MCPH1: variants seen among roughly 807,000 people sequenced by gnomAD.
The protein encoded by MCPH1 is microcephalin.
In MCPH1, 104 loss-of-function variants were observed where a neutral mutation model predicts 84.5. That is an observed-to-expected ratio of 1.23 (90% CI 1.05 to 1.45). The LOEUF (loss-of-function observed/expected upper bound fraction) is 1.45. Among genes scored for constraint, MCPH1 ranks in the 40% most tolerant of loss-of-function variants. MCPH1 has a pLI of 0.00. For missense variants in MCPH1, 1,498 were observed against 1,005.7 expected (o/e 1.49, Z -6.62); for synonymous variants, 514 against 366.8 (o/e 1.40, Z -4.58).
At chr8:6,642,028 AT>A (rs934897570) in intron 13 of MCPH1, among the ~76,000 whole-genome samples, 2 of 152,040 alleles carry the variant, frequency 1.3e-5, no homozygotes, top group African/African-American at 4.8e-5. Context: ...AAGATAAGTC[AT>A]TTTTTTCTTC....
chr8:6,429,501 C>G (rs1053869631), intron 3 of MCPH1, among the ~76,000 whole-genome samples: 2 of 152,110 alleles, frequency 1.3e-5, no homozygotes, highest in African/African-American at 2.4e-5. Flanking sequence ...ACTCCTCCCC[C>G]GCCCCAGCTG....
At chr8:6,616,935 C>G (rs1314615707) in intron 12 of MCPH1, 4 of 152,164 alleles carry the variant, frequency 2.6e-5, no homozygotes, top group African/African-American at 9.7e-5. Flanking sequence ...CATTTGAGGC[C>G]TGCTCACGGC....
intron 12 of MCPH1, among the ~76,000 whole-genome samples, chr8:6,586,228 T>C (rs1032687463): frequency 5.3e-5 from 8 of 152,180 alleles, no homozygotes; most frequent in Non-Finnish European, 1.2e-4. Context: ...CCCGGAGTCC[T>C]GGGATTACAG....
At chr8:6,576,048 TAAA>T (rs1233889020) in intron 12 of MCPH1, among the ~76,000 whole-genome samples, 1 of 4,538 alleles carries the variant, frequency 2.2e-4, no homozygotes, top group African/African-American at 3.9e-4. Flanking sequence ...AATACAGCCT[TAAA>T]AAAAAAAAAA....
chr8:6,616,222 G>A lies in MCPH1; in HGVS notation c.2215-5232G>A, dbSNP rs190812390. ...GTTGAGATGGGAAAGTGCATCTTAA[G>A]ACAGTTAGCAGGCCAAGGAGCGACT... On this transcript the variant is annotated intron_variant, in intron 12 of 13. Transcript: ENST00000344683. 32 of 152,308 alleles carry A rather than the reference G, an allele frequency of 2.1e-4. No individual in the cohort carries two copies. In the East Asian group the frequency reaches 5.4e-3, roughly 26 times the overall value. The allele number at this position is 152,308 out of a possible 1,614,324, so 9.4% of individuals were successfully genotyped here. A position where few individuals can be genotyped will look rare whatever the true frequency, so the allele number is the denominator to read the frequency against.
intron 12 of MCPH1, among the ~76,000 whole-genome samples, chr8:6,503,577 A>G (rs1777558979): frequency 6.6e-6 from 1 of 152,224 alleles, no homozygotes; most frequent in Admixed American, 6.5e-5. Flanking sequence ...AGCAGGAGTA[A>G]GCAAACATCT....
intron 7 of MCPH1, among the ~76,000 whole-genome samples, chr8:6,442,826 T>C (rs1384583376): frequency 2.0e-5 from 3 of 152,226 alleles, no homozygotes. Context: ...AAATTTATCA[T>C]GAAAGCCACA....
Position 6,623,090 on chromosome 8 carries a change from C to A in MCPH1, c.2452+1399C>A, listed in dbSNP as rs577282989. On this transcript the variant is annotated intron_variant, in intron 13 of 13. Transcript: ENST00000344683. ...ATAGTCTCAAACTCCGGGGCTCAAGCGATCCTCCTGCTTTGGCTTCCCAAA... is the reference window on the plus strand; with the variant it reads ...ATAGTCTCAAACTCCGGGGCTCAAGAGATCCTCCTGCTTTGGCTTCCCAAA... Among the ~76,000 whole-genome samples the A allele has an allele frequency of 1.2e-4, 17 of 145,800 alleles. No individual in the cohort carries two copies. In the East Asian group the frequency reaches 3.2e-3, roughly 28 times the overall value.
chr8:6,519,335 GGTAAA>G (rs1422001195), intron 12 of MCPH1, among the ~76,000 whole-genome samples: 5 of 152,144 alleles, frequency 3.3e-5, no homozygotes, highest in Admixed American at 3.3e-4. Flanking sequence ...AACCATGGTG[GGTAAA>G]ACTGCCACCA....
chr8:6,443,274 C>T (rs1803780923), intron 7 of MCPH1, among the ~76,000 whole-genome samples: 1 of 152,228 alleles, frequency 6.6e-6, no homozygotes, highest in Admixed American at 6.5e-5. Context: ...TGACATGTCA[C>T]ATTGCTTATC....
intron 1 of MCPH1, among the ~76,000 whole-genome samples, chr8:6,408,993 C>A (rs770334195): frequency 1.3e-5 from 2 of 151,904 alleles, no homozygotes; most frequent in Non-Finnish European, 2.9e-5. Context: ...TCAAGTGATT[C>A]TCCTGCCTCA....
At chr8:6,508,003 A>G (rs1351859289) in intron 12 of MCPH1, 1 of 152,180 alleles carries the variant, frequency 6.6e-6, no homozygotes, top group Non-Finnish European at 1.5e-5. Flanking sequence ...TGTGGTTTTC[A>G]TTGTCTGTTT....
At chr8:6,611,316 C>A (rs1475692565) in intron 12 of MCPH1, among the ~76,000 whole-genome samples, 2 of 152,214 alleles carry the variant, frequency 1.3e-5, no homozygotes, top group Non-Finnish European at 2.9e-5. Flanking sequence ...CTACCCATGC[C>A]AATTGCTTGT....
chr8:6,544,975 G>A (rs1822296826), intron 12 of MCPH1, among the ~76,000 whole-genome samples: 1 of 152,170 alleles, frequency 6.6e-6, no homozygotes, highest in South Asian at 2.1e-4. Flanking sequence ...CATGGAGACT[G>A]GTATGATGAG....
intron 12 of MCPH1, among the ~76,000 whole-genome samples, chr8:6,557,191 T>G (rs1188379012): frequency 6.6e-6 from 1 of 152,188 alleles, no homozygotes; most frequent in Non-Finnish European, 1.5e-5. Context: ...GGAGGGGATA[T>G]GCGTGCTTTC....
chr8:6,594,354 G>T (rs1462640557), intron 12 of MCPH1, among the ~76,000 whole-genome samples: 1 of 152,216 alleles, frequency 6.6e-6, no homozygotes, highest in African/African-American at 2.4e-5. Context: ...CACAGCTGTG[G>T]AATTTTACTG....
chr8:6,557,496 A>G (rs897512198), intron 12 of MCPH1, among the ~76,000 whole-genome samples: 3 of 152,118 alleles, frequency 2.0e-5, no homozygotes, highest in African/African-American at 7.2e-5. Context: ...ATAATTTAGG[A>G]GAAAATTCTC....
chr8:6,634,565 C>T (rs924485060), intron 13 of MCPH1, among the ~76,000 whole-genome samples: 54 of 152,138 alleles, frequency 3.5e-4, no homozygotes, highest in Admixed American at 2.9e-3. Context: ...AGCTTTTGTC[C>T]GTGCTGTTTT....
At chr8:6,496,114 C>T (rs1811192725) in intron 11 of MCPH1, among the ~76,000 whole-genome samples, 1 of 152,132 alleles carries the variant, frequency 6.6e-6, no homozygotes, top group Non-Finnish European at 1.5e-5. Flanking sequence ...AATTATACAA[C>T]TCACTGTAAT....
Sources: allele counts gnomAD v4.1 joint callset (sites outside exome capture counted in the v4.1 genomes callset), GRCh38; gene constraint gnomAD v4.1.1; transcripts MANE v1.5; gene names NCBI Gene and HGNC (gene_info 2026-07-23, HGNC 2026-07-21).